The following AGBL4 variants were observed in gnomAD, a reference collection of about 807,000 sequenced individuals.
The protein encoded by AGBL4 is AGBL carboxypeptidase 4, also known as cytosolic carboxypeptidase 6.
AGBL4 carries 58 observed loss-of-function variants against 66.4 expected under a neutral mutation model. The ratio of observed to expected loss-of-function variants is 0.87; its 90% CI spans 0.71 to 1.09. The LOEUF is 1.09. Among genes scored for constraint, AGBL4 ranks in the 50% least tolerant of loss-of-function variants. The pLI, the probability that AGBL4 is intolerant of heterozygous loss-of-function variation, is 0.00. For missense variants in AGBL4, 579 were observed against 631.0 expected (o/e 0.92, Z 0.88); for synonymous variants, 234 against 222.9 (o/e 1.05, Z -0.44).
chr1:49,554,728 T>G (rs1653268007), intron 3 of AGBL4, among the ~76,000 whole-genome samples: 1 of 152,204 alleles, frequency 6.6e-6, no homozygotes, highest in Non-Finnish European at 1.5e-5. Context: ...TTACAGTTCT[T>G]AAAGATGGTG....
intron 6 of AGBL4, among the ~76,000 whole-genome samples, chr1:48,788,795 G>T (rs998911656): frequency 6.6e-6 from 1 of 152,124 alleles, no homozygotes; most frequent in African/African-American, 2.4e-5. Flanking sequence ...GAACTATTTG[G>T]TGAGCGCTTA....
chr1:48,818,923 A>G (rs771142246), intron 6 of AGBL4, among the ~76,000 whole-genome samples: 1 of 152,196 alleles, frequency 6.6e-6, no homozygotes, highest in African/African-American at 2.4e-5. Context: ...CAAAGTCACT[A>G]TATTCCACAT....
At chr1:48,912,472 G>A (rs904855949) in intron 5 of AGBL4, among the ~76,000 whole-genome samples, 1 of 152,170 alleles carries the variant, frequency 6.6e-6, no homozygotes, top group Non-Finnish European at 1.5e-5. Flanking sequence ...CCAGGACGTT[G>A]CCATTGGGTT....
chr1:49,451,749 AT>A (rs1454866662), intron 3 of AGBL4, among the ~76,000 whole-genome samples: 2 of 151,974 alleles, frequency 1.3e-5, no homozygotes, highest in African/African-American at 4.8e-5. Flanking sequence ...ACTGAGTGTG[AT>A]TTGCTACTAT....
intron 2 of AGBL4, among the ~76,000 whole-genome samples, chr1:49,732,207 A>C (rs1649508986): frequency 6.6e-6 from 1 of 152,220 alleles, no homozygotes; most frequent in East Asian, 1.9e-4. Context: ...GTCTTGGCTA[A>C]GACTGTGTAC....
intron 5 of AGBL4, among the ~76,000 whole-genome samples, chr1:48,933,603 A>G (rs1655213336): frequency 6.6e-6 from 1 of 152,214 alleles, no homozygotes; most frequent in Admixed American, 6.5e-5. Flanking sequence ...TATCCTAATA[A>G]TAGGCAGCTC....
At chr1:49,764,278 G>T (rs1484964832) in intron 2 of AGBL4, among the ~76,000 whole-genome samples, 1 of 152,050 alleles carries the variant, frequency 6.6e-6, no homozygotes, top group Non-Finnish European at 1.5e-5. Context: ...GTACCCCACA[G>T]CCACCAGTCT....
At chr1:49,181,287 C>T (rs748373578) in intron 4 of AGBL4, among the ~76,000 whole-genome samples, 2 of 152,294 alleles carry the variant, frequency 1.3e-5, no homozygotes, top group Non-Finnish European at 2.9e-5. Context: ...TCTCTCCAAA[C>T]TCATCCTTAA....
At chr1:48,833,870 G>A (rs1387289581) in intron 6 of AGBL4, among the ~76,000 whole-genome samples, 6 of 152,170 alleles carry the variant, frequency 3.9e-5, no homozygotes, top group Non-Finnish European at 7.3e-5. Flanking sequence ...GTAATTCAGA[G>A]ATTATCAGGA....
chr1:49,582,984 G>A (rs1644574682), intron 3 of AGBL4, among the ~76,000 whole-genome samples: 1 of 152,110 alleles, frequency 6.6e-6, no homozygotes, highest in Non-Finnish European at 1.5e-5. Context: ...ATATATATTT[G>A]GTCTTCATTC....
chr1:49,537,942 G>C (rs1459561025), intron 3 of AGBL4, among the ~76,000 whole-genome samples: 2 of 148,676 alleles, frequency 1.3e-5, no homozygotes, highest in African/African-American at 4.9e-5. Flanking sequence ...AAAAAAAAAA[G>C]TCAACAGATG....
intron 6 of AGBL4, among the ~76,000 whole-genome samples, chr1:48,797,080 G>T (rs148654246): frequency 1.3e-5 from 2 of 152,264 alleles, no homozygotes; most frequent in South Asian, 4.2e-4. Context: ...GCACCCTTAC[G>T]TGAAGTTTGA....
intron 6 of AGBL4, among the ~76,000 whole-genome samples, chr1:48,688,593 C>A (rs953595747): frequency 6.6e-6 from 1 of 152,198 alleles, no homozygotes; most frequent in African/African-American, 2.4e-5. Flanking sequence ...TATTAGAAGA[C>A]AAGCCTCGTT....
chr1:49,768,237 G>A (rs990636216), intron 2 of AGBL4, among the ~76,000 whole-genome samples: 4 of 152,002 alleles, frequency 2.6e-5, no homozygotes, highest in African/African-American at 9.7e-5. Context: ...GAAAACTGCA[G>A]GTTAATATGC....
chr1:49,757,641 C>A (rs1464716744), intron 2 of AGBL4, among the ~76,000 whole-genome samples: 1 of 152,132 alleles, frequency 6.6e-6, no homozygotes, highest in East Asian at 1.9e-4. Context: ...AGAAATGGAG[C>A]AAAGGTGACT....
intron 1 of AGBL4, among the ~76,000 whole-genome samples, chr1:49,947,912 GAATCA>G: frequency 2.9e-5 from 2 of 70,030 alleles, no homozygotes; most frequent in Non-Finnish European, 6.4e-5. Flanking sequence ...ACCAAGCTGA[GAATCA>G]AATCAAGAAC....
intron 3 of AGBL4, among the ~76,000 whole-genome samples, chr1:49,323,300 A>G (rs1645162967): frequency 6.6e-6 from 1 of 151,900 alleles, no homozygotes; most frequent in African/African-American, 2.4e-5. Context: ...TTTTATTTTG[A>G]GATGGAGTCT....
intron 3 of AGBL4, among the ~76,000 whole-genome samples, chr1:49,552,803 G>C (rs1459171924): frequency 6.6e-6 from 1 of 152,192 alleles, no homozygotes; most frequent in Non-Finnish European, 1.5e-5. Flanking sequence ...AGTCAGAGCT[G>C]CAATTTAGTC....
rs1021971916 is a variant in AGBL4 at position 49,618,834 on chromosome 1, G to A, written c.282+78479C>T. On this transcript the variant is annotated intron_variant, in intron 3 of 13. Transcript: ENST00000371839. ...GTTCAACGTATGCAAATCAATAAACGTAATACATCACATAAACAGAAGCAA... is the reference window on the plus strand; with the variant it reads ...GTTCAACGTATGCAAATCAATAAACATAATACATCACATAAACAGAAGCAA... Among the ~76,000 whole-genome samples the A allele has an allele frequency of 7.2e-5, 11 of 152,096 alleles. No homozygotes were observed. In the East Asian group the frequency reaches 9.6e-4, roughly 13 times the overall value.
Sources: allele counts gnomAD v4.1 joint callset (sites outside exome capture counted in the v4.1 genomes callset), GRCh38; gene constraint gnomAD v4.1.1; transcripts MANE v1.5; gene names NCBI Gene and HGNC (gene_info 2026-07-23, HGNC 2026-07-21).